LYN: variants seen among roughly 807,000 people sequenced by gnomAD.
LYN encodes LYN proto-oncogene, Src family tyrosine kinase, also known as tyrosine-protein kinase Lyn.
A neutral mutation model predicts 65.0 loss-of-function variants in LYN; 12 were observed. The observed-to-expected ratio is 0.18, with a 90% CI of 0.12 to 0.30. LYN has a LOEUF of 0.30. LYN is among the 10% of genes least tolerant of loss of function. LYN has a pLI of 1.00. For missense variants in LYN, 380 were observed against 623.2 expected (o/e 0.61, Z 4.16); for synonymous variants, 222 against 221.2 (o/e 1.00, Z -0.03).
At chr8:55,988,807 C>A (rs982531510) in intron 10 of LYN, among the ~76,000 whole-genome samples, 3 of 151,976 alleles carry the variant, frequency 2.0e-5, no homozygotes, top group African/African-American at 7.3e-5. Flanking sequence ...ACATTCAGCC[C>A]CTCAGTGAGG....
At chr8:55,898,844 T>A (rs1805187049) in intron 1 of LYN, among the ~76,000 whole-genome samples, 1 of 152,066 alleles carries the variant, frequency 6.6e-6, no homozygotes, top group Non-Finnish European at 1.5e-5. Flanking sequence ...TTCCTTTTTT[T>A]AAATAGACAG....
chr8:55,987,110 A>G (rs1313165962), intron 10 of LYN, among the ~76,000 whole-genome samples: 2 of 152,152 alleles, frequency 1.3e-5, no homozygotes, highest in Non-Finnish European at 2.9e-5. Flanking sequence ...TTTTTAGAAT[A>G]GAATAAAAAG....
chr8:55,936,074 A>G (rs935251856), intron 1 of LYN, among the ~76,000 whole-genome samples: 1 of 152,218 alleles, frequency 6.6e-6, no homozygotes, highest in African/African-American at 2.4e-5. Flanking sequence ...TTGGTGGGCA[A>G]AGTAAATCTC....
At chr8:55,977,552 T>G (rs1463130182) in intron 10 of LYN, among the ~76,000 whole-genome samples, 1 of 152,174 alleles carries the variant, frequency 6.6e-6, no homozygotes, top group Admixed American at 6.5e-5. Flanking sequence ...GTTTTTGTTT[T>G]GTTTTTTAAA....
chr8:55,884,387 G>A (rs1229248636), intron 1 of LYN, among the ~76,000 whole-genome samples: 3 of 152,024 alleles, frequency 2.0e-5, no homozygotes, highest in Non-Finnish European at 4.4e-5. Context: ...TTACAGGTGT[G>A]AGCCACTGCG....
intron 8 of LYN, among the ~76,000 whole-genome samples, chr8:55,958,874 G>A (rs768386970): frequency 1.2e-4 from 18 of 152,140 alleles, no homozygotes; most frequent in Non-Finnish European, 2.4e-4. Flanking sequence ...GGACAATTAG[G>A]TTGTTTCTAC....
chr8:55,948,662 G>T (rs902671570), intron 4 of LYN, among the ~76,000 whole-genome samples: 1 of 152,238 alleles, frequency 6.6e-6, no homozygotes, highest in Admixed American at 6.5e-5. Context: ...TAGGGTTTGA[G>T]GGGGAGACTC....
intron 1 of LYN, among the ~76,000 whole-genome samples, chr8:55,907,259 AATGAGACACTGATATATTCAAC>A (rs1453256802): frequency 6.6e-6 from 1 of 152,236 alleles, no homozygotes; most frequent in Non-Finnish European, 1.5e-5. Flanking sequence ...CAACCAAAAA[AATGAGACACTGATATATTCAAC>A]ACTGATTGAA....
At chr8:55,923,566 G>A (rs1420544950) in intron 1 of LYN, among the ~76,000 whole-genome samples, 1 of 151,936 alleles carries the variant, frequency 6.6e-6, no homozygotes, top group African/African-American at 2.4e-5. Flanking sequence ...TTGAGACAGG[G>A]TCTTGCTCTG....
intron 2 of LYN, 107 bp from the exon 3 acceptor site, chr8:55,946,341 G>A: frequency 1.3e-6 from 1 of 759,952 alleles, no homozygotes; most frequent in Non-Finnish European, 2.4e-6. Context: ...CTTAATAAAT[G>A]AGCCCATCCT....
intron 2 of LYN, 100 bp downstream of exon 2, chr8:55,942,091 A>G: frequency 8.2e-7 from 1 of 1,222,760 alleles, no homozygotes; most frequent in South Asian, 1.4e-5. Flanking sequence ...AAAAAATTCC[A>G]TTGATTACTT....
intron 1 of LYN, among the ~76,000 whole-genome samples, chr8:55,915,403 T>C (rs1379688652): frequency 6.6e-6 from 1 of 152,220 alleles, no homozygotes; most frequent in Non-Finnish European, 1.5e-5. Flanking sequence ...GTATTTGAGG[T>C]CCTGGATCTT....
chr8:55,959,133 T>C (rs1177195537), intron 8 of LYN, among the ~76,000 whole-genome samples: 1 of 152,206 alleles, frequency 6.6e-6, no homozygotes, highest in Non-Finnish European at 1.5e-5. Context: ...TTTTCTGTTT[T>C]GGGGATTTTT....
chr8:55,960,720 C>A (rs1182276183), intron 8 of LYN, among the ~76,000 whole-genome samples: 1 of 152,120 alleles, frequency 6.6e-6, no homozygotes, highest in Non-Finnish European at 1.5e-5. Flanking sequence ...CACTGTTAAC[C>A]CAGTAAGTTA....
chr8:55,993,766 T>G (rs1808306312), intron 10 of LYN, among the ~76,000 whole-genome samples: 1 of 152,204 alleles, frequency 6.6e-6, no homozygotes, highest in Admixed American at 6.5e-5. Flanking sequence ...CCCACCTACC[T>G]ATCATCATCA....
At chr8:55,887,547 TA>T (rs1032299255) in intron 1 of LYN, among the ~76,000 whole-genome samples, 17 of 107,052 alleles carry the variant, frequency 1.6e-4, no homozygotes, top group South Asian at 3.1e-4. Context: ...AAATCCCATA[TA>T]AAAATATAAA....
intron 1 of LYN, among the ~76,000 whole-genome samples, chr8:55,933,740 C>T (rs1427167352): frequency 1.3e-5 from 2 of 152,200 alleles, no homozygotes; most frequent in African/African-American, 2.4e-5. Flanking sequence ...AGCCACATTT[C>T]CCTTTCAGTT....
chr8:55,964,362 T>A (rs1383330939), intron 8 of LYN, among the ~76,000 whole-genome samples: 4 of 152,074 alleles, frequency 2.6e-5, no homozygotes, highest in Non-Finnish European at 5.9e-5. Context: ...CTAGCCTCAT[T>A]TTTCTATAGA....
At chr8:55,880,127 G>A in intron 1 of LYN, 24 bp downstream of exon 1, 1 of 235,894 alleles carries the variant, frequency 4.2e-6, no homozygotes, top group Non-Finnish European at 8.4e-6. Flanking sequence ...GCGAGCCCAG[G>A]GGTGGGCGCG....
Sources: allele counts gnomAD v4.1 joint callset (sites outside exome capture counted in the v4.1 genomes callset), GRCh38; gene constraint gnomAD v4.1.1; transcripts MANE v1.5; gene names NCBI Gene and HGNC (gene_info 2026-07-23, HGNC 2026-07-21).